AGK: variants seen among roughly 807,000 people sequenced by gnomAD.
AGK encodes acylglycerol kinase.
In AGK, 52 loss-of-function variants were observed where a neutral mutation model predicts 66.4. That is an observed-to-expected ratio of 0.78 (90% CI 0.63 to 0.99). The LOEUF (loss-of-function observed/expected upper bound fraction) is 0.99, where lower values mean the gene tolerates loss of function less well. AGK is among the 50% of genes least tolerant of loss of function. The pLI is 0.00. For synonymous variants in AGK, 182 were observed against 181.1 expected (o/e 1.00, Z -0.04); for missense variants, 451 against 506.6 (o/e 0.89, Z 1.05).
chr7:141,646,444 TG>T (rs1797415903), intron 13 of AGK, among the ~76,000 whole-genome samples: 1 of 152,190 alleles, frequency 6.6e-6, no homozygotes, highest in African/African-American at 2.4e-5. Context: ...GCCTCAGTAG[TG>T]AGTCAAAATT....
intron 2 of AGK, among the ~76,000 whole-genome samples, chr7:141,572,826 G>A (rs1380550002): frequency 6.6e-6 from 1 of 152,140 alleles, no homozygotes; most frequent in Non-Finnish European, 1.5e-5. Flanking sequence ...TGTGTTGGAT[G>A]CCGGGGTAAA....
At position 141,653,233 on chromosome 7, in the gene AGK, G is replaced by T; in HGVS notation, c.*309G>T. On this transcript the variant is annotated 3_prime_UTR_variant, in exon 16 of 16. Transcript: ENST00000649286. ...TTTTCTTCCAAAGTGCAACCACAGT[G>T]GAGAGCCCACGGTGGGCTTAGCCTG... 1 of 291,024 alleles carries T rather than the reference G, an allele frequency of 3.4e-6. No homozygotes were observed. Among genetic ancestry groups the T allele is most frequent in the Non-Finnish European group, 6.8e-6 (1 of 148,090 alleles). 18.0% of individuals were successfully genotyped at this position (291,024 alleles called of 1,614,324 possible).
At position 141,555,487 on chromosome 7, in the gene AGK, G is replaced by A. The variant is rs773549163; in HGVS notation, c.21G>A (p.Thr7=). MTVFFK[T]LRNHWKKTTA... ...AGAAGATGACGGTGTTCTTTAAAAC[G>A]CTTCGAAATCACTGGAAGAAAACTA... Residue 7 remains threonine, a synonymous_variant, in exon 2 of 16, where the codon ACG becomes ACA. Transcript: ENST00000649286. The surrounding 1 kb of genome is among the most constrained non-coding windows in gnomAD (Gnocchi z 4.2). 26 of 1,613,752 alleles carry A rather than the reference G, an allele frequency of 1.6e-5. No individual in the cohort carries two copies. The highest frequency in any genetic ancestry group is 3.3e-4 in the Middle Eastern group (2 of 6,076).
intron 11 of AGK, 24 bp downstream of exon 11, chr7:141,637,041 A>C (rs1797189931): frequency 6.2e-7 from 1 of 1,600,420 alleles, no homozygotes; most frequent in African/African-American, 1.3e-5. Flanking sequence ...ACAGTGTAGA[A>C]ATTTGCTGTG....
intron 4 of AGK, among the ~76,000 whole-genome samples, chr7:141,600,415 A>G (rs1252326108): frequency 6.6e-6 from 1 of 152,182 alleles, no homozygotes; most frequent in African/African-American, 2.4e-5. Flanking sequence ...TATGCATAAT[A>G]CTTTTGAAAT....
chr7:141,561,235 A>G (rs995691819), intron 2 of AGK, among the ~76,000 whole-genome samples: 4 of 152,198 alleles, frequency 2.6e-5, no homozygotes, highest in African/African-American at 9.7e-5. Context: ...AAACATGCAT[A>G]TGCAAGTGTC....
At position 141,601,218 on chromosome 7, in the gene AGK, CT is replaced by C; in HGVS notation, c.236del (p.Leu79HisfsTer17). 6.2e-7 allele frequency: 1 copy of C among 1,612,338 alleles called. No homozygotes were observed. Among genetic ancestry groups the C allele is most frequent in the Non-Finnish European group, 8.5e-7 (1 of 1,178,930 alleles). ...CTTTGTTAACAGAAAAGCCAGGACT[CT>C]ATTTGAAAAAAATGCTGCCCCGATT... Reference protein sequence around the residue: ...PAACKGKARTLFEKNAAPILH... With the variant: ...PAACKGKARTXFEKNAAPILH... On this transcript the variant is annotated frameshift_variant, in exon 5 of 16. Transcript: ENST00000649286. LOFTEE classifies it high-confidence loss of function.
chr7:141,593,384 G>A (rs1796163299), intron 3 of AGK, 199 bp downstream of exon 3: 1 of 704,800 alleles, frequency 1.4e-6, no homozygotes, highest in Admixed American at 2.0e-5. Flanking sequence ...GAGCAGTTCT[G>A]ACGCCCACCC....
At chr7:141,554,753 A>G (rs1245555424) in intron 1 of AGK, among the ~76,000 whole-genome samples, 3 of 152,242 alleles carry the variant, frequency 2.0e-5, no homozygotes, top group East Asian at 3.8e-4. Context: ...GTTTTTTAGT[A>G]AAGTCTTCCT....
chr7:141,563,190 T>C (rs1795389697), intron 2 of AGK, among the ~76,000 whole-genome samples: 1 of 152,210 alleles, frequency 6.6e-6, no homozygotes, highest in Admixed American at 6.5e-5. Context: ...AAGATCACAG[T>C]GTGATTCTCC....
chr7:141,582,935 C>T (rs1795912427), intron 2 of AGK, among the ~76,000 whole-genome samples: 1 of 151,580 alleles, frequency 6.6e-6, no homozygotes, highest in African/African-American at 2.4e-5. Context: ...ATTGGAAAGA[C>T]TCAGCAATAC....
At chr7:141,593,325 C>T in intron 3 of AGK, 140 bp downstream of exon 3, 1 of 782,922 alleles carries the variant, frequency 1.3e-6, no homozygotes, top group Middle Eastern at 2.2e-4. Context: ...ATGAATCACG[C>T]TGGGAGCCAA....
intron 5 of AGK, among the ~76,000 whole-genome samples, chr7:141,607,501 G>A (rs10251468): frequency 2.6e-3 from 398 of 152,090 alleles, no homozygotes; most frequent in African/African-American, 7.0e-3. Flanking sequence ...GTTTCTTTTT[G>A]TTGAGTTTTA....
chr7:141,628,386 T>C (rs1796984869), intron 9 of AGK, among the ~76,000 whole-genome samples: 1 of 152,198 alleles, frequency 6.6e-6, no homozygotes, highest in Non-Finnish European at 1.5e-5. Flanking sequence ...CTAAGTTGGA[T>C]ACATTTTCTC....
At chr7:141,577,774 A>C (rs1313736933) in intron 2 of AGK, among the ~76,000 whole-genome samples, 1 of 151,252 alleles carries the variant, frequency 6.6e-6, no homozygotes, top group Non-Finnish European at 1.5e-5. Context: ...GTCTCAATTC[A>C]AGTTGTCCTG....
chr7:141,607,827 AG>A (rs1213643688), intron 5 of AGK, among the ~76,000 whole-genome samples: 1 of 151,752 alleles, frequency 6.6e-6, no homozygotes, highest in Non-Finnish European at 1.5e-5. Flanking sequence ...TTTTTCTGGG[AG>A]GGGGCAACTG....
intron 14 of AGK, among the ~76,000 whole-genome samples, chr7:141,650,288 G>A (rs146250210): frequency 6.6e-5 from 10 of 152,314 alleles, no homozygotes; most frequent in African/African-American, 2.4e-4. Flanking sequence ...TCCTTCTACA[G>A]AATGTCCAGA....
chr7:141,613,708 C>A (rs1349410918), intron 6 of AGK, among the ~76,000 whole-genome samples: 1 of 152,110 alleles, frequency 6.6e-6, no homozygotes, highest in African/African-American at 2.4e-5. Flanking sequence ...TCAGTTTTTA[C>A]AGAATACTAT....
At position 141,634,940 on chromosome 7, in the gene AGK, T is replaced by G. The variant is rs181985075; in HGVS notation, c.668+960T>G. ...AAAGAGAGACATTACCATATTATATTACACATTGCATTCTGAAGTATTTCA... is the reference window on the plus strand; with the variant it reads ...AAAGAGAGACATTACCATATTATATGACACATTGCATTCTGAAGTATTTCA... On this transcript the variant is annotated intron_variant, in intron 10 of 15. Coordinates refer to ENST00000649286, the MANE Select transcript of AGK (RefSeq NM_018238.4). Among the ~76,000 whole-genome samples the G allele has an allele frequency of 1.3e-3, 192 of 152,264 alleles. 2 individuals carry two copies. The highest frequency in any genetic ancestry group is 4.4e-3 in the African/African-American group (182 of 41,550).
Sources: allele counts gnomAD v4.1 joint callset (sites outside exome capture counted in the v4.1 genomes callset), GRCh38; gene constraint gnomAD v4.1.1; non-coding constraint Gnocchi (gnomAD v3.1); transcripts MANE v1.5; gene names NCBI Gene and HGNC (gene_info 2026-07-23, HGNC 2026-07-21).